The following FCHSD1 variants were observed in gnomAD, a reference collection of about 807,000 sequenced individuals.
FCHSD1 encodes F-BAR and double SH3 domains protein 1.
A neutral mutation model predicts 101.3 loss-of-function variants in FCHSD1; 109 were observed. The ratio of observed to expected loss-of-function variants is 1.08; its 90% CI spans 0.92 to 1.26. The LOEUF (loss-of-function observed/expected upper bound fraction) is 1.26, where lower values mean the gene tolerates loss of function less well. FCHSD1 is among the 50% of genes most tolerant of loss of function. FCHSD1 has a pLI of 0.00. For synonymous variants in FCHSD1, 291 were observed against 356.8 expected (o/e 0.82, Z 2.08); for missense variants, 820 against 895.8 (o/e 0.92, Z 1.08).
rs1443059621 is a variant in FCHSD1, at chr5:141,651,364, T to A, written c.5A>T (p.Gln2Leu). The A allele has an allele frequency of 3.9e-6, 6 of 1,553,294 alleles. No homozygotes were observed. In the African/African-American group the frequency reaches 8.2e-5, roughly 21 times the overall value. MQPPPRKVKPAQ... is the reference protein window; with the variant it reads MLPPPRKVKPAQ... ...CAAGCTCACTTTTCGGGGCGGCGGCTGCATCTCCGCTCCAGCAAGGCGGTC... is the reference window on the plus strand; with the variant it reads ...CAAGCTCACTTTTCGGGGCGGCGGCAGCATCTCCGCTCCAGCAAGGCGGTC... The change falls in exon 1 of 20, where the codon CAG becomes CTG. Residue 2 changes from glutamine (Q) to leucine (L), a missense_variant. Physicochemically the swap from Gln to Leu is moderately radical, Grantham distance 113. Transcript: ENST00000435817.
chr5:141,639,976 C>G lies in FCHSD1; in HGVS notation c.*1522G>C. 1 of 1,613,936 alleles carries G rather than the reference C, an allele frequency of 6.2e-7. No individual in the cohort carries two copies. Among genetic ancestry groups the G allele is most frequent in the East Asian group, 2.2e-5 (1 of 44,878 alleles). On this transcript the variant is annotated 3_prime_UTR_variant, in exon 20 of 20. Transcript: ENST00000435817. This position sits in a 1 kb window ranked among gnomAD's most constrained non-coding sequence, Gnocchi z 4.4. ...GGACTGCACGAACACCGTGATGGCT[C>G]CCCCACAGACAGGAGCTGGGGCTCT... is the stretch of plus-strand genomic sequence containing the variant.
intron 17 of FCHSD1, among the ~76,000 whole-genome samples, chr5:141,643,835 C>G (rs145194186): frequency 1.4e-5 from 2 of 145,038 alleles, no homozygotes; most frequent in African/African-American, 2.6e-5. Context: ...GCAACAAGAG[C>G]GAAACTCTGT....
At chr5:141,642,791 G>A in intron 18 of FCHSD1, 3 of 567,372 alleles carry the variant, frequency 5.3e-6, no homozygotes, top group East Asian at 6.3e-5. Context: ...CATAAACTGA[G>A]GCCAAGACAG....
At position 141,649,228 on chromosome 5, in the gene FCHSD1, C is replaced by T; in HGVS notation, c.456G>A (p.Gly152=). The T allele has an allele frequency of 6.2e-7, 1 of 1,614,006 alleles. No individual in the cohort carries two copies. Among genetic ancestry groups the T allele is most frequent in the Non-Finnish European group, 8.5e-7 (1 of 1,179,896 alleles). Residue 152 remains glycine, a synonymous_variant, in exon 6 of 20, where the codon GGG becomes GGA. Transcript: ENST00000435817. This position sits in a 1 kb window ranked among gnomAD's most constrained non-coding sequence, Gnocchi z 4.1. ...CCAAGGCCCACACACGTTCCCGCTG[C>T]CCATACAGCTTCCGACTTCGGCTCA... The part of the protein sequence containing the change: ...RELSRSRKLY[G]QRERVWALAQ...
Position 141,639,980 on chromosome 5 carries a change from C to A in FCHSD1, c.*1518G>T, listed in dbSNP as rs774973573. 1.2e-6 allele frequency: 2 copies of A among 1,613,900 alleles called. No individual in the cohort carries two copies. Among genetic ancestry groups the A allele is most frequent in the Admixed American group, 1.7e-5 (1 of 60,022 alleles). On this transcript the variant is annotated 3_prime_UTR_variant, in exon 20 of 20. Coordinates refer to ENST00000435817, the MANE Select transcript of FCHSD1 (RefSeq NM_033449.3). The surrounding 1 kb of genome is among the most constrained non-coding windows in gnomAD (Gnocchi z 4.4). ...TGCACGAACACCGTGATGGCTCCCCCACAGACAGGAGCTGGGGCTCTGGTG... is the reference window on the plus strand; with the variant it reads ...TGCACGAACACCGTGATGGCTCCCCAACAGACAGGAGCTGGGGCTCTGGTG...
chr5:141,647,011 G>C, intron 10 of FCHSD1, 124 bp downstream of exon 10: 1 of 1,010,616 alleles, frequency 9.9e-7, no homozygotes, highest in South Asian at 1.7e-5. Flanking sequence ...GTGAGCTGGA[G>C]TTCTGAAACC....
intron 3 of FCHSD1, 126 bp from the exon 4 acceptor site, chr5:141,650,080 G>A: frequency 1.0e-6 from 1 of 1,001,958 alleles, no homozygotes; most frequent in South Asian, 1.7e-5. Context: ...TTTGCTAAAT[G>A]CCTTATAGTC....
Position 141,641,388 on chromosome 5 carries a change from T to G in FCHSD1, c.*110A>C. On this transcript the variant is annotated 3_prime_UTR_variant, in exon 20 of 20. Transcript: ENST00000435817. Reference sequence around the variant, plus strand: ...CCACCCTTGGAGGTGAGGGTGGAAATAAGGGCGATTCCAGCTTTTGGCTGT... The same window carrying G: ...CCACCCTTGGAGGTGAGGGTGGAAAGAAGGGCGATTCCAGCTTTTGGCTGT... The G allele has an allele frequency of 1.9e-6, 2 of 1,041,628 alleles. No individual in the cohort carries two copies. Among genetic ancestry groups the G allele is most frequent in the South Asian group, 2.5e-5 (1 of 40,132 alleles). The allele number at this position is 1,041,628 out of a possible 1,614,324, so 64.5% of individuals were successfully genotyped here.
rs1382161025 is a variant in FCHSD1, at chr5:141,649,267, C to G, written c.417G>C (p.Gln139His). 2.5e-6 allele frequency: 4 copies of G among 1,614,052 alleles called. No individual in the cohort carries two copies. The Admixed American group carries it at 6.7e-5, about 27-fold the overall frequency. ...NLQRAQAEVL[Q>H]SVRELSRSRK... ...GACTTCGGCTCAGCTCCCGGACAGA[C>G]TGCAGCACCTCAGCCTGCGCCCTCT... Residue 139 changes from glutamine to histidine, a missense_variant, in exon 6 of 20, where the codon CAG becomes CAC. Physicochemically the swap from Gln to His is conservative, Grantham distance 24. Coordinates refer to ENST00000435817, the MANE Select transcript of FCHSD1 (RefSeq NM_033449.3). The surrounding 1 kb of genome is among the most constrained non-coding windows in gnomAD (Gnocchi z 4.1).
At chr5:141,648,422 C>T (rs1036307619) in intron 7 of FCHSD1, among the ~76,000 whole-genome samples, 2 of 152,152 alleles carry the variant, frequency 1.3e-5, no homozygotes, top group Non-Finnish European at 2.9e-5. Flanking sequence ...CTCAGTTCCT[C>T]GAGCCTACAA....
At position 141,649,502 on chromosome 5, in the gene FCHSD1, GC is replaced by G; in HGVS notation, c.267del (p.Leu90TrpfsTer21). On this transcript the variant is annotated frameshift_variant, in exon 5 of 20. Coordinates refer to ENST00000435817, the MANE Select transcript of FCHSD1 (RefSeq NM_033449.3). LOFTEE classifies it high-confidence loss of function. The surrounding 1 kb of genome is among the most constrained non-coding windows in gnomAD (Gnocchi z 4.1). ...TGGCCCCCAGCCACGGTGGCATCCAGCAGGCAGCGCCAGGCACCGAACACTG... is the reference window on the plus strand; with the variant it reads ...TGGCCCCCAGCCACGGTGGCATCCAGAGGCAGCGCCAGGCACCGAACACTG... ...GRTVFGAWRC[L>X]LDATVAGGQT... 1 of 1,613,514 alleles carries G rather than the reference GC, an allele frequency of 6.2e-7. No individual in the cohort carries two copies. Among genetic ancestry groups the G allele is most frequent in the Non-Finnish European group, 8.5e-7 (1 of 1,179,882 alleles).
At chr5:141,643,139 C>T in intron 17 of FCHSD1, 51 bp from the exon 18 acceptor site, 2 of 1,354,458 alleles carry the variant, frequency 1.5e-6, no homozygotes, top group South Asian at 1.6e-5. Context: ...GGAGGTTTTA[C>T]CAGCTTTTCC....
At position 141,647,405 on chromosome 5, in the gene FCHSD1, G is replaced by A; in HGVS notation, c.821C>T (p.Thr274Ile). The A allele has an allele frequency of 1.3e-6, 2 of 1,596,456 alleles. No homozygotes were observed. The highest frequency in any genetic ancestry group is 2.7e-5 in the African/African-American group (2 of 74,170). ...LEHAHRGEQT[T>I]SQVSWEQDLK... is the part of the protein sequence containing the mutation. Reference sequence around the variant, plus strand: ...AGAGGCCACAGCCCTCACCTGGGAGGTTGTCTGCTCCCCGCGGTGGGCATG... The same window carrying A: ...AGAGGCCACAGCCCTCACCTGGGAGATTGTCTGCTCCCCGCGGTGGGCATG... The change falls in exon 9 of 20, where the codon ACC (threonine) becomes ATC (isoleucine). Residue 274 changes from threonine (T) to isoleucine (I), a missense_variant. Physicochemically the swap from Thr to Ile is moderately conservative, Grantham distance 89. Coordinates refer to ENST00000435817, the MANE Select transcript of FCHSD1 (RefSeq NM_033449.3).
rs1316644019 is a variant in FCHSD1 at position 141,641,434 on chromosome 5, G to A, written c.*64C>T. The A allele has an allele frequency of 6.7e-6, 9 of 1,347,146 alleles. No homozygotes were observed. Among genetic ancestry groups the A allele is most frequent in the African/African-American group, 1.5e-5 (1 of 68,016 alleles). 83.4% of individuals were successfully genotyped at this position (1,347,146 alleles called of 1,614,324 possible). A position where few individuals can be genotyped will look rare whatever the true frequency, so the allele number is the denominator to read the frequency against. On this transcript the variant is annotated 3_prime_UTR_variant, in exon 20 of 20. Transcript: ENST00000435817. ...GCTGTGTTGCTCTGGATCATTGATG[G>A]TGTGGTCTGACAGCTTGAAGATAGG...
rs757236404 is a variant in FCHSD1, at chr5:141,646,751, G to C, written c.925-29C>G. ...AATGGGTCAGGGGGTGCTGTGAGGAGGACCTGAGGCTGCTCCTTCTCTCCA... is the reference window on the plus strand; with the variant it reads ...AATGGGTCAGGGGGTGCTGTGAGGACGACCTGAGGCTGCTCCTTCTCTCCA... On this transcript the variant is annotated intron_variant, in intron 10 of 19. Coordinates refer to ENST00000435817, the MANE Select transcript of FCHSD1 (RefSeq NM_033449.3). 1.6e-5 allele frequency: 26 copies of C among 1,606,264 alleles called. No individual in the cohort carries two copies. In the Admixed American group the frequency reaches 3.4e-4, roughly 21 times the overall value.
rs765407743 is a variant in FCHSD1, at chr5:141,648,065, T to G, written c.608A>C (p.Gln203Pro). 6.2e-7 allele frequency: 1 copy of G among 1,613,582 alleles called. No homozygotes were observed. Among genetic ancestry groups the G allele is most frequent in the Non-Finnish European group, 8.5e-7 (1 of 1,179,638 alleles). ...GTACTCATTGCGGGCTGCTTGCAGC[T>G]GCTGGGAGTACTGGGCTGACTGGGC... The part of the protein sequence containing the change: ...LSAQSAQYSQ[Q>P]LQAARNEYLL... Residue 203 changes from glutamine (Q) to proline (P), a missense_variant, in exon 8 of 20, where the codon CAG becomes CCG. Transcript: ENST00000435817.
intron 3 of FCHSD1, 135 bp from the exon 4 acceptor site, chr5:141,650,089 T>G: frequency 2.1e-6 from 2 of 954,014 alleles, no homozygotes; most frequent in Non-Finnish European, 3.1e-6. Flanking sequence ...TGCCTTATAG[T>G]CATTAATTTG....
Position 141,640,161 on chromosome 5 carries a change from C to A in FCHSD1, c.*1337G>T. On this transcript the variant is annotated 3_prime_UTR_variant, in exon 20 of 20. Transcript: ENST00000435817. ...AGGACTCAGGGACAGCAGCCTAACC[C>A]CTCGTGCACTTGAAGGGAACCCCAG... 6.2e-7 allele frequency: 1 copy of A among 1,614,154 alleles called. No individual in the cohort carries two copies.
chr5:141,642,555 A>G, intron 18 of FCHSD1: 1 of 534,336 alleles, frequency 1.9e-6, no homozygotes, highest in Non-Finnish European at 3.3e-6. Context: ...AAAGAAAAAA[A>G]GTGGGCATCA....
Sources: gnomAD v4.1 joint callset for allele counts (sites outside exome capture counted in the v4.1 genomes callset) on GRCh38, gnomAD v4.1.1 for gene constraint, Gnocchi (gnomAD v3.1) non-coding constraint, MANE v1.5 for transcripts, NCBI Gene and HGNC (gene_info 2026-07-23, HGNC 2026-07-21) for gene names.